Variants in TBC1D1 observed in about 807,000 individuals in gnomAD.
TBC1D1 encodes TBC1 domain family member 1, also known as TBC1 (tre-2/USP6, BUB2, cdc16) domain family, member 1.
TBC1D1 carries 89 observed loss-of-function variants against 125.6 expected under a neutral mutation model. The ratio of observed to expected loss-of-function variants is 0.71; its 90% CI spans 0.60 to 0.85. The LOEUF (loss-of-function observed/expected upper bound fraction) is 0.85. TBC1D1 is among the 40% of genes least tolerant of loss of function. The pLI, the probability that TBC1D1 is intolerant of heterozygous loss-of-function variation, is 0.00. For missense variants in TBC1D1, 1,377 were observed against 1,469.2 expected (o/e 0.94, Z 1.03); for synonymous variants, 565 against 564.1 (o/e 1.00, Z -0.02).
At chr4:37,935,147 G>T (rs1217421178) in intron 2 of TBC1D1, among the ~76,000 whole-genome samples, 1 of 152,136 alleles carries the variant, frequency 6.6e-6, no homozygotes, top group Non-Finnish European at 1.5e-5. Context: ...TTCTTCCCCA[G>T]AAATGAGCAA....
intron 18 of TBC1D1, among the ~76,000 whole-genome samples, chr4:38,131,272 A>G (rs1000712549): frequency 2.6e-5 from 4 of 152,210 alleles, no homozygotes; most frequent in African/African-American, 9.6e-5. Flanking sequence ...CCAGGTTAGG[A>G]GATCACTTAA....
At chr4:38,035,465 CT>C in intron 7 of TBC1D1, 122 bp from the exon 8 acceptor site, 1 of 712,834 alleles carries the variant, frequency 1.4e-6, no homozygotes, top group South Asian at 1.9e-5. Context: ...TTGGTGCCCC[CT>C]GGTGAGATGA....
intron 13 of TBC1D1, among the ~76,000 whole-genome samples, chr4:38,090,686 A>G (rs1381947579): frequency 6.6e-6 from 1 of 152,234 alleles, no homozygotes; most frequent in Non-Finnish European, 1.5e-5. Flanking sequence ...ACTGGAACCA[A>G]TTAATGTTAT....
At chr4:37,919,181 A>G (rs780520687) in intron 2 of TBC1D1, among the ~76,000 whole-genome samples, 3 of 151,472 alleles carry the variant, frequency 2.0e-5, no homozygotes, top group Non-Finnish European at 2.9e-5. Context: ...ATTTTATTTT[A>G]TTTTGGGATG....
chr4:38,035,612 C>G lies in TBC1D1; in HGVS notation c.1327C>G (p.Arg443Gly). ...GAAATTGAGACCGAGAAATGAGCAG[C>G]GAGAGAATGAATTGATTATTTCTTT... Residue 443 changes from arginine (R) to glycine (G), a missense_variant, in exon 8 of 20, where the codon CGA becomes GGA. By Grantham distance (125) the Arg-to-Gly change is moderately radical (BLOSUM62 -2). Transcript: ENST00000261439. The G allele has an allele frequency of 6.2e-7, 1 of 1,613,452 alleles. No individual in the cohort carries two copies. Among genetic ancestry groups the G allele is most frequent in the Non-Finnish European group, 8.5e-7 (1 of 1,179,680 alleles).
At chr4:37,905,364 A>T (rs1021151629) in intron 2 of TBC1D1, among the ~76,000 whole-genome samples, 7 of 152,362 alleles carry the variant, frequency 4.6e-5, no homozygotes, top group African/African-American at 1.7e-4. Flanking sequence ...CTGGGAATTT[A>T]ACCATGTTTA....
intron 2 of TBC1D1, among the ~76,000 whole-genome samples, chr4:37,965,662 C>T (rs145063744): frequency 6.6e-6 from 1 of 152,100 alleles, no homozygotes; most frequent in Non-Finnish European, 1.5e-5. Flanking sequence ...ACCTAGAGAT[C>T]GGTGAGCAGA....
At chr4:37,960,692 A>G (rs1428212069) in intron 2 of TBC1D1, 1 of 1,614,228 alleles carries the variant, frequency 6.2e-7, no homozygotes, top group East Asian at 2.2e-5. Context: ...AAAAACAGCC[A>G]AGCTTTTCTG....
At chr4:38,067,154 T>G (rs903329500) in intron 12 of TBC1D1, among the ~76,000 whole-genome samples, 3 of 152,170 alleles carry the variant, frequency 2.0e-5, no homozygotes, top group Non-Finnish European at 4.4e-5. Context: ...GGATTACAGG[T>G]GTGAGCCACG....
At chr4:37,932,038 T>A (rs1184756533) in intron 2 of TBC1D1, among the ~76,000 whole-genome samples, 1 of 152,154 alleles carries the variant, frequency 6.6e-6, no homozygotes, top group Non-Finnish European at 1.5e-5. Context: ...TCTGAGAAAA[T>A]CTTGAACTCA....
At chr4:37,891,568 G>A (rs1713283077) in intron 1 of TBC1D1, among the ~76,000 whole-genome samples, 1 of 126,678 alleles carries the variant, frequency 7.9e-6, no homozygotes, top group Non-Finnish European at 1.6e-5. Flanking sequence ...GGACGAAAGC[G>A]AAACCTTAAT....
chr4:37,936,460 A>G (rs1724417073), intron 2 of TBC1D1, among the ~76,000 whole-genome samples: 1 of 152,222 alleles, frequency 6.6e-6, no homozygotes, highest in South Asian at 2.1e-4. Flanking sequence ...GTTTGAGGGC[A>G]GTGACTACTT....
chr4:37,978,776 T>C (rs113399853), intron 2 of TBC1D1, among the ~76,000 whole-genome samples: 190 of 121,158 alleles, frequency 1.6e-3, no homozygotes, highest in African/African-American at 5.4e-3. Context: ...CACAGACTTT[T>C]AGGACGATTG....
chr4:37,895,349 C>T (rs990320169), intron 1 of TBC1D1, among the ~76,000 whole-genome samples: 1 of 152,152 alleles, frequency 6.6e-6, no homozygotes, highest in Non-Finnish European at 1.5e-5. Flanking sequence ...TCGCCCATTT[C>T]CCACCCTTTT....
Position 38,137,514 on chromosome 4 carries a change from G to GC in TBC1D1, c.*179_*180insC, listed in dbSNP as rs1766843561. Reference sequence around the variant, plus strand: ...TGCAATTCAGGGGGCATGTCCCAGTGTTTTTTTTGTTGTTTTTAGATACTA... The same window carrying GC: ...TGCAATTCAGGGGGCATGTCCCAGTGCTTTTTTTTGTTGTTTTTAGATACTA... On this transcript the variant is annotated 3_prime_UTR_variant, in exon 20 of 20. Transcript: ENST00000261439. 3 of 882,600 alleles carry GC rather than the reference G, an allele frequency of 3.4e-6. No individual in the cohort carries two copies. The highest frequency in any genetic ancestry group is 3.9e-4 in the Middle Eastern group (1 of 2,580). The allele number at this position is 882,600 out of a possible 1,614,324, so 54.7% of individuals were successfully genotyped here. A position where few individuals can be genotyped will look rare whatever the true frequency, so the allele number is the denominator to read the frequency against.
At chr4:38,020,887 T>C in intron 5 of TBC1D1, 192 bp downstream of exon 5, 1 of 434,294 alleles carries the variant, frequency 2.3e-6, no homozygotes, top group Non-Finnish European at 4.2e-6. Context: ...ATTTTATATT[T>C]TTTATTTCTG....
At chr4:37,992,104 G>C (rs2152388804) in intron 2 of TBC1D1, among the ~76,000 whole-genome samples, 2 of 152,334 alleles carry the variant, frequency 1.3e-5, no homozygotes, top group East Asian at 3.9e-4. Flanking sequence ...TTCTGGTAGG[G>C]ATTGCAGAGG....
At chr4:38,005,396 T>C (rs1186753960) in intron 2 of TBC1D1, among the ~76,000 whole-genome samples, 1 of 152,204 alleles carries the variant, frequency 6.6e-6, no homozygotes, top group Non-Finnish European at 1.5e-5. Flanking sequence ...TTGGGTATTG[T>C]ACATTATGTG....
At chr4:38,075,474 T>A (rs2152517096) in intron 12 of TBC1D1, among the ~76,000 whole-genome samples, 1 of 152,354 alleles carries the variant, frequency 6.6e-6, no homozygotes, top group Non-Finnish European at 1.5e-5. Context: ...AAGGTCACAT[T>A]TCCACATATA....
Sources: allele counts gnomAD v4.1 joint callset (sites outside exome capture counted in the v4.1 genomes callset), GRCh38; gene constraint gnomAD v4.1.1; transcripts MANE v1.5; gene names NCBI Gene and HGNC (gene_info 2026-07-23, HGNC 2026-07-21).